NWD2: variants seen among roughly 807,000 people sequenced by gnomAD.
NWD2 encodes the protein NACHT and WD repeat domain-containing protein 2.
A neutral mutation model predicts 132.7 loss-of-function variants in NWD2; 37 were observed. The observed-to-expected ratio is 0.28, with a 90% CI of 0.21 to 0.37. The LOEUF is 0.37. Ranked by LOEUF, NWD2 falls within the 10% of genes least tolerant of loss-of-function variation. The pLI, the probability that NWD2 is intolerant of heterozygous loss-of-function variation, is 1.00. For synonymous variants in NWD2, 705 were observed against 803.0 expected, an observed-to-expected ratio of 0.88 and a Z score of 2.06; for missense variants, 1,592 against 2,122.4, an observed-to-expected ratio of 0.75 and a Z score of 4.91.
Position 37,245,095 on chromosome 4 carries a change from C to A in NWD2, c.28C>A (p.Leu10Met), listed in dbSNP as rs1381417615. 2 of 1,546,968 alleles carry A rather than the reference C, an allele frequency of 1.3e-6. No individual in the cohort carries two copies. The highest frequency in any genetic ancestry group is 1.4e-5 in the African/African-American group (1 of 73,060). Residue 10 changes from leucine to methionine, a missense_variant, in exon 1 of 7, where the codon CTG (leucine) becomes ATG (methionine). Physicochemically the swap from Leu to Met is conservative, Grantham distance 15. Coordinates refer to ENST00000309447, the MANE Select transcript of NWD2 (RefSeq NM_001144990.2). ...GTGGCCGGCCGGCGCGGGCACCAAG[C>A]TGCCCTGTCCCCGAGACTCTGCGCT... Reference protein sequence around the residue: MWPAGAGTKLPCPRDSALRR... With the variant: MWPAGAGTKMPCPRDSALRR...
At chr4:37,363,837 C>G (rs1314140292) in intron 3 of NWD2, among the ~76,000 whole-genome samples, 2 of 152,048 alleles carry the variant, frequency 1.3e-5, no homozygotes, top group Admixed American at 6.6e-5. Flanking sequence ...TATAAAAAAG[C>G]AGACGGCCGG....
At chr4:37,247,357 C>T (rs2109253319) in intron 1 of NWD2, among the ~76,000 whole-genome samples, 1 of 152,266 alleles carries the variant, frequency 6.6e-6, no homozygotes, top group Non-Finnish European at 1.5e-5. Flanking sequence ...ATATTAGATT[C>T]TTGGCCAATA....
At chr4:37,274,863 C>T (rs1330383100) in intron 1 of NWD2, among the ~76,000 whole-genome samples, 1 of 146,186 alleles carries the variant, frequency 6.8e-6, no homozygotes, top group East Asian at 2.0e-4. Context: ...CAGAAAAGGC[C>T]TTTGACAAAA....
intron 3 of NWD2, among the ~76,000 whole-genome samples, chr4:37,408,502 CT>C (rs1054644820): frequency 6.6e-6 from 1 of 152,154 alleles, no homozygotes; most frequent in African/African-American, 2.4e-5. Flanking sequence ...GGCAGGGCAT[CT>C]CTGAAAAAAA....
At chr4:37,339,368 C>T (rs1719473513) in intron 2 of NWD2, among the ~76,000 whole-genome samples, 1 of 152,198 alleles carries the variant, frequency 6.6e-6, no homozygotes, top group Admixed American at 6.5e-5. Context: ...CTTCTCAAGG[C>T]AGTATTATTG....
chr4:37,327,118 GT>G (rs1719188633), intron 2 of NWD2, among the ~76,000 whole-genome samples: 1 of 152,108 alleles, frequency 6.6e-6, no homozygotes, highest in South Asian at 2.1e-4. Flanking sequence ...GGTCCCAATT[GT>G]TACATAATTT....
intron 3 of NWD2, among the ~76,000 whole-genome samples, chr4:37,410,624 C>G (rs1057225877): frequency 6.6e-6 from 1 of 152,164 alleles, no homozygotes; most frequent in African/African-American, 2.4e-5. Flanking sequence ...AGGACTTGAA[C>G]TCAGCTCTGG....
At position 37,443,256 on chromosome 4, in the gene NWD2, C is replaced by G; in HGVS notation, c.1297-29C>G. ...CATATGACCATGTGAATACATATTA[C>G]CATTCTAAACTCCACTTTTGTGTTT... On this transcript the variant is annotated intron_variant, in intron 6 of 6. Coordinates refer to ENST00000309447, the MANE Select transcript of NWD2 (RefSeq NM_001144990.2). This position sits in a 1 kb window ranked among gnomAD's most constrained non-coding sequence, Gnocchi z 4.1. The G allele has an allele frequency of 6.6e-7, 1 of 1,516,580 alleles. No homozygotes were observed. Among genetic ancestry groups the G allele is most frequent in the South Asian group, 1.2e-5 (1 of 82,112 alleles). 93.9% of individuals were successfully genotyped at this position (1,516,580 alleles called of 1,614,324 possible). A position where few individuals can be genotyped will look rare whatever the true frequency, so the allele number is the denominator to read the frequency against.
At chr4:37,422,481 T>TCCTCC (rs757178222) in intron 3 of NWD2, among the ~76,000 whole-genome samples, 11 of 152,194 alleles carry the variant, frequency 7.2e-5, no homozygotes, top group Non-Finnish European at 1.5e-4. Flanking sequence ...CTGCATTTTT[T>TCCTCC]CCTCCCTTCT....
At chr4:37,348,120 G>A (rs1479771) in intron 2 of NWD2, among the ~76,000 whole-genome samples, 4,182 of 152,258 alleles carry the variant, frequency 0.027, 185 homozygotes, top group African/African-American at 0.095. Flanking sequence ...CCTAGTGGCA[G>A]TCCCATAAGG....
At chr4:37,434,472 A>T (rs1426913135) in intron 5 of NWD2, among the ~76,000 whole-genome samples, 3 of 152,194 alleles carry the variant, frequency 2.0e-5, no homozygotes, top group Non-Finnish European at 4.4e-5. Context: ...TTCATAAATG[A>T]TAGCCAAGTA....
At chr4:37,306,634 A>G (rs1375915514) in intron 1 of NWD2, among the ~76,000 whole-genome samples, 1 of 152,090 alleles carries the variant, frequency 6.6e-6, no homozygotes, top group Non-Finnish European at 1.5e-5. Context: ...ATTTCTAGTT[A>G]TATATTGTTG....
intron 1 of NWD2, among the ~76,000 whole-genome samples, chr4:37,249,476 C>T (rs1382821851): frequency 1.3e-5 from 2 of 152,168 alleles, no homozygotes; most frequent in Non-Finnish European, 2.9e-5. Flanking sequence ...CTCCCTGGCT[C>T]GTGGACAGAG....
chr4:37,250,879 C>T (rs1700688089), intron 1 of NWD2, among the ~76,000 whole-genome samples: 1 of 152,224 alleles, frequency 6.6e-6, no homozygotes, highest in Admixed American at 6.5e-5. Context: ...CCTACTGCTC[C>T]TAGTCTACAA....
At chr4:37,304,869 T>C (rs1012763256) in intron 1 of NWD2, among the ~76,000 whole-genome samples, 1 of 152,176 alleles carries the variant, frequency 6.6e-6, no homozygotes, top group Non-Finnish European at 1.5e-5. Context: ...GGCTCTCTTC[T>C]CACAGCTCCA....
chr4:37,250,311 A>G (rs1021923630), intron 1 of NWD2, among the ~76,000 whole-genome samples: 3 of 152,228 alleles, frequency 2.0e-5, no homozygotes, highest in Non-Finnish European at 4.4e-5. Flanking sequence ...TAGTGGTTGT[A>G]TCTTCTAAGT....
rs76388451 is a variant in NWD2, at chr4:37,447,592, C to T, written c.*375C>T. On this transcript the variant is annotated 3_prime_UTR_variant, in exon 7 of 7. Transcript: ENST00000309447. ...TAGTTCTACAAAAATCAGCTGAAAT[C>T]ATGAAGACAAAGAGCTGCTTGACTT... 0.033 allele frequency: 6,944 copies of T among 207,860 alleles called. 148 individuals are homozygous for T. The highest frequency in any genetic ancestry group is 0.051 in the Middle Eastern group (27 of 534). The allele number at this position is 207,860 out of a possible 1,614,324, so 12.9% of individuals were successfully genotyped here. A position where few individuals can be genotyped will look rare whatever the true frequency, so the allele number is the denominator to read the frequency against.
At chr4:37,298,972 A>G (rs1457959815) in intron 1 of NWD2, among the ~76,000 whole-genome samples, 1 of 152,252 alleles carries the variant, frequency 6.6e-6, no homozygotes, top group East Asian at 1.9e-4. Flanking sequence ...TAGGGCATAC[A>G]CTTTGTATTT....
chr4:37,353,613 C>T (rs1039798922), intron 2 of NWD2, among the ~76,000 whole-genome samples: 6 of 151,614 alleles, frequency 4.0e-5, no homozygotes, highest in Admixed American at 3.3e-4. Context: ...TCTCTGATAT[C>T]CTTTCTTCTG....
Sources: allele counts gnomAD v4.1 joint callset (sites outside exome capture counted in the v4.1 genomes callset), GRCh38; gene constraint gnomAD v4.1.1; non-coding constraint Gnocchi (gnomAD v3.1); transcripts MANE v1.5; gene names NCBI Gene and HGNC (gene_info 2026-07-23, HGNC 2026-07-21).